Variants in LMBRD2 observed in about 807,000 individuals in gnomAD.
LMBRD2 encodes LMBR1 domain containing 2.
Under a neutral mutation model 94.4 loss-of-function variants are expected in LMBRD2, and 55 were observed. That is an observed-to-expected ratio of 0.58 (90% CI 0.47 to 0.73). The LOEUF (loss-of-function observed/expected upper bound fraction) is 0.73, where lower values mean the gene tolerates loss of function less well. LMBRD2 is among the 30% of genes least tolerant of loss of function. The pLI is 0.00. For synonymous variants in LMBRD2, 246 were observed against 272.4 expected, an observed-to-expected ratio of 0.90 and a Z score of 0.95; for missense variants, 640 against 831.9, an observed-to-expected ratio of 0.77 and a Z score of 2.84.
In LMBRD2 at chr5:36,137,418, G is replaced by A; in HGVS notation, c.392C>T (p.Ser131Leu). ...LTWILLPFMQ[S>L]YARSGGFSIT... is the part of the protein sequence containing the mutation. ...GGAAAACCCTCCTGATCTTGCATATGACTGCATAAAAGGTAAGAGAATCCT... is the reference window on the plus strand; with the variant it reads ...GGAAAACCCTCCTGATCTTGCATATAACTGCATAAAAGGTAAGAGAATCCT... Residue 131 changes from serine (S) to leucine (L), a missense_variant, in exon 5 of 18, where the codon TCA becomes TTA. Around this residue, in one of 2 missense-constraint regions of LMBRD2, gnomAD observed 457 missense variants for 642.8 expected, o/e 0.71. Transcript: ENST00000296603. 6.3e-7 allele frequency: 1 copy of A among 1,582,136 alleles called. No individual in the cohort carries two copies. The highest frequency in any genetic ancestry group is 8.6e-7 in the Non-Finnish European group (1 of 1,160,034).
chr5:36,112,692 A>G (rs1446771005), intron 13 of LMBRD2, among the ~76,000 whole-genome samples: 3 of 152,170 alleles, frequency 2.0e-5, no homozygotes, highest in African/African-American at 7.2e-5. Context: ...TTTCGGACAT[A>G]GTGATTCCTT....
At chr5:36,115,404 T>C (rs1279948561) in intron 11 of LMBRD2, among the ~76,000 whole-genome samples, 1 of 152,080 alleles carries the variant, frequency 6.6e-6, no homozygotes, top group Non-Finnish European at 1.5e-5. Flanking sequence ...CTTTGTATCA[T>C]CTCCTACAAC....
chr5:36,114,612 T>TA, intron 12 of LMBRD2, 91 bp from the exon 13 acceptor site: 7 of 1,353,148 alleles, frequency 5.2e-6, no homozygotes, highest in Non-Finnish European at 6.7e-6. Context: ...TAACCAGTTA[T>TA]ATCAATCCAT....
intron 3 of LMBRD2, among the ~76,000 whole-genome samples, chr5:36,142,082 G>A (rs754348709): frequency 5.3e-5 from 8 of 152,076 alleles, no homozygotes; most frequent in Non-Finnish European, 1.0e-4. Context: ...TGCTTTTGAA[G>A]GATGTGCAAT....
chr5:36,108,578 G>C lies in LMBRD2; in HGVS notation c.1853C>G (p.Thr618Ser), dbSNP rs1743528307. 6.3e-7 allele frequency: 1 copy of C among 1,596,558 alleles called. No individual in the cohort carries two copies. Among genetic ancestry groups the C allele is most frequent in the Non-Finnish European group, 8.6e-7 (1 of 1,168,306 alleles). The stretch of plus-strand genomic sequence containing the variant: ...TGAGAAGTTTGACTCTTTGGGGTCA[G>C]TATGAATATTTCTGTTCCTAGTGGA... ...EDSTRNRNIH[T>S]DPKESNFSDV... Residue 618 changes from threonine (T) to serine (S), a missense_variant, in exon 16 of 18, where the codon ACT (threonine) becomes AGT (serine). By Grantham distance (58) the Thr-to-Ser change is moderately conservative. This residue lies in a region of LMBRD2 where 183 missense variants were observed against 189.1 expected (regional missense o/e 0.97). Transcript: ENST00000296603.
rs1032575154 is a variant in LMBRD2 at position 36,117,700 on chromosome 5, G to C, written c.1302+35C>G. ...ATAGTTAAGGATTATACTATGAAGTGACATCTATTTATGACAGACATAAAA... is the reference window on the plus strand; with the variant it reads ...ATAGTTAAGGATTATACTATGAAGTCACATCTATTTATGACAGACATAAAA... On this transcript the variant is annotated intron_variant, in intron 10 of 17. Coordinates refer to ENST00000296603, the MANE Select transcript of LMBRD2 (RefSeq NM_001007527.2). 3.6e-6 allele frequency: 5 copies of C among 1,405,228 alleles called. No individual in the cohort carries two copies. The Admixed American group carries it at 9.7e-5, about 27-fold the overall frequency. The allele number at this position is 1,405,228 out of a possible 1,614,324, so 87.0% of individuals were successfully genotyped here.
chr5:36,127,182 G>A (rs1474642740), intron 6 of LMBRD2, among the ~76,000 whole-genome samples: 1 of 152,228 alleles, frequency 6.6e-6, no homozygotes, highest in Admixed American at 6.5e-5. Context: ...ATGGCAGGAA[G>A]ACAGTAAATA....
At position 36,102,501 on chromosome 5, in the gene LMBRD2, C is replaced by T. The variant is rs994354442; in HGVS notation, c.*1545G>A. 6.6e-6 allele frequency: 1 copy of T among 151,630 alleles called. No homozygotes were observed. Among genetic ancestry groups the T allele is most frequent in the African/African-American group, 2.4e-5 (1 of 41,350 alleles). The allele number at this position is 151,630 out of a possible 1,614,324, so 9.4% of individuals were successfully genotyped here. A position where few individuals can be genotyped will look rare whatever the true frequency, so the allele number is the denominator to read the frequency against. On this transcript the variant is annotated 3_prime_UTR_variant, in exon 18 of 18. Transcript: ENST00000296603. ...TCTTAAGTGTAGTCTATATGACCTT[C>T]AATTCAGAGTAAGTCTATCCACTGA...
intron 6 of LMBRD2, among the ~76,000 whole-genome samples, chr5:36,129,425 G>A (rs1009508488): frequency 6.6e-6 from 1 of 151,382 alleles, no homozygotes; most frequent in African/African-American, 2.4e-5. Context: ...CTTCTCAGTG[G>A]AAACCTTACA....
chr5:36,145,611 T>C (rs937626374), intron 1 of LMBRD2, among the ~76,000 whole-genome samples: 3 of 152,254 alleles, frequency 2.0e-5, no homozygotes, highest in African/African-American at 7.2e-5. Flanking sequence ...ATCTTCGAGA[T>C]CTAGGGTTTT....
At position 36,142,568 on chromosome 5, in the gene LMBRD2, G is replaced by T; in HGVS notation, c.206C>A (p.Ala69Glu). ...TIYNRCKHAAANSSPPENSNI... is the reference protein window; with the variant it reads ...TIYNRCKHAAENSSPPENSNI... ...GCTATTCTCAGGAGGGCTTGAATTT[G>T]CAGCAGCATGCTTGCACCGGTTGTA... is the stretch of plus-strand genomic sequence containing the variant. Residue 69 changes from alanine (A) to glutamate (E), a missense_variant, in exon 3 of 18, where the codon GCA (alanine) becomes GAA (glutamate). Around this residue, in one of 2 missense-constraint regions of LMBRD2, gnomAD observed 457 missense variants for 642.8 expected, o/e 0.71. Coordinates refer to ENST00000296603, the MANE Select transcript of LMBRD2 (RefSeq NM_001007527.2). 6.2e-7 allele frequency: 1 copy of T among 1,610,586 alleles called. No homozygotes were observed. The highest frequency in any genetic ancestry group is 8.5e-7 in the Non-Finnish European group (1 of 1,176,830).
intron 6 of LMBRD2, among the ~76,000 whole-genome samples, chr5:36,134,577 G>A (rs115747981): frequency 0.01 from 1,535 of 152,134 alleles, 24 homozygotes; most frequent in African/African-American, 0.035. Flanking sequence ...ACACTGGCAC[G>A]CAGGGAGAAC....
intron 14 of LMBRD2, 30 bp downstream of exon 14, chr5:36,111,125 C>T: frequency 4.6e-6 from 6 of 1,317,060 alleles, no homozygotes; most frequent in Non-Finnish European, 6.5e-6. Context: ...TAGTATTTTC[C>T]CTTCATTTAT....
intron 1 of LMBRD2, among the ~76,000 whole-genome samples, chr5:36,150,403 G>C (rs1035466239): frequency 2.6e-5 from 4 of 152,094 alleles, no homozygotes; most frequent in African/African-American, 9.7e-5. Flanking sequence ...TCTCAAAACT[G>C]TTTATTCTCA....
At position 36,141,136 on chromosome 5, in the gene LMBRD2, T is replaced by G; in HGVS notation, c.339A>C (p.Val113=). 6.2e-7 allele frequency: 1 copy of G among 1,608,050 alleles called. No homozygotes were observed. The highest frequency in any genetic ancestry group is 1.3e-5 in the African/African-American group (1 of 74,878). ...TTAAAAATTGTGACGTCCAATACAC[T>G]ACCCTCCAGAAAATTGGCATGATTC... is the stretch of plus-strand genomic sequence containing the variant. ...PDGIMPIFWR[V]VYWTSQFLTW... Residue 113 remains valine (V), a synonymous_variant, in exon 4 of 18, where the codon GTA becomes GTC. Transcript: ENST00000296603.
intron 1 of LMBRD2, among the ~76,000 whole-genome samples, chr5:36,146,719 C>T (rs1242157365): frequency 5.9e-5 from 9 of 152,070 alleles, no homozygotes; most frequent in Non-Finnish European, 1.3e-4. Context: ...ATCCCTGTTC[C>T]CCTGCAAACT....
At chr5:36,141,055 TTTTATTCC>T in intron 4 of LMBRD2, 44 bp downstream of exon 4, 2 of 967,142 alleles carry the variant, frequency 2.1e-6, no homozygotes, top group Non-Finnish European at 3.3e-6. Flanking sequence ...TTGAAAAACA[TTTTATTCC>T]TTTAGCCAAA....
intron 16 of LMBRD2, among the ~76,000 whole-genome samples, chr5:36,106,424 A>G (rs1052578501): frequency 1.1e-4 from 17 of 151,812 alleles, no homozygotes; most frequent in Admixed American, 4.6e-4. Context: ...CATCAAATTC[A>G]TCTTTCTAAA....
At chr5:36,150,162 G>T (rs1744656181) in intron 1 of LMBRD2, among the ~76,000 whole-genome samples, 1 of 152,154 alleles carries the variant, frequency 6.6e-6, no homozygotes, top group Admixed American at 6.5e-5. Context: ...CTGTTACCGG[G>T]GCAAACTATC....
Sources: allele counts gnomAD v4.1 joint callset (sites outside exome capture counted in the v4.1 genomes callset), GRCh38; gene constraint gnomAD v4.1.1; regional missense constraint gnomAD v4.1.1; transcripts MANE v1.5; gene names NCBI Gene and HGNC (gene_info 2026-07-23, HGNC 2026-07-21).